The following ZNF599 variants were observed in gnomAD, a reference collection of about 807,000 sequenced individuals.
ZNF599 encodes the protein zinc finger protein 599.
Under a neutral mutation model 11.7 loss-of-function variants are expected in ZNF599, and 10 were observed. That is an observed-to-expected ratio of 0.86 (90% CI 0.53 to 1.45). The LOEUF (loss-of-function observed/expected upper bound fraction) is 1.45. Among genes scored for constraint, ZNF599 ranks in the 40% most tolerant of loss-of-function variants. The probability of loss-of-function intolerance (pLI) is 0.00; values close to 1 mark genes in which losing one functional copy is unlikely to be tolerated. For missense variants in ZNF599, 688 were observed against 713.6 expected, an observed-to-expected ratio of 0.96 and a Z score of 0.41; for synonymous variants, 232 against 253.2, an observed-to-expected ratio of 0.92 and a Z score of 0.79.
At chr19:34,800,166 C>A in the ZNF599 span, among the ~76,000 whole-genome samples, 10 of 152,134 alleles carry the variant, frequency 6.6e-5, no homozygotes, top group African/African-American at 2.4e-4. Context: ...TTGTTCACCT[C>A]ACATATTTTG....
At chr19:34,801,888 A>G in the ZNF599 span, among the ~76,000 whole-genome samples, 1 of 152,228 alleles carries the variant, frequency 6.6e-6, no homozygotes, top group Non-Finnish European at 1.5e-5. Context: ...ATCATTTTCC[A>G]CATGCCCCTA....
the ZNF599 span, among the ~76,000 whole-genome samples, chr19:34,802,438 G>T: frequency 1.3e-5 from 2 of 152,162 alleles, no homozygotes; most frequent in African/African-American, 4.8e-5. Context: ...CCAGGCCCAA[G>T]AAAATCCAAT....
intron 3 of ZNF599, chr19:34,764,835 T>A (rs185103319): frequency 6.6e-6 from 1 of 152,296 alleles, no homozygotes; most frequent in Non-Finnish European, 1.5e-5. Flanking sequence ...CTTGTACATA[T>A]ATAAAACTTT....
chr19:34,768,334 C>T (rs1403033220), intron 2 of ZNF599, among the ~76,000 whole-genome samples: 6 of 152,238 alleles, frequency 3.9e-5, no homozygotes, highest in Non-Finnish European at 8.8e-5. Flanking sequence ...CATACATCTC[C>T]TTTCGACAAC....
intron 1 of ZNF599, chr19:34,772,233 G>T: frequency 2.5e-6 from 2 of 810,686 alleles, no homozygotes; most frequent in Non-Finnish European, 3.0e-6. Flanking sequence ...CTGTTAGGCG[G>T]CAAGCCAGAT....
the ZNF599 span, among the ~76,000 whole-genome samples, chr19:34,803,966 T>C: frequency 6.6e-6 from 1 of 152,178 alleles, no homozygotes; most frequent in African/African-American, 2.4e-5. Flanking sequence ...CACATGCTAC[T>C]CACCACATGG....
At position 34,769,409 on chromosome 19, in the gene ZNF599, G is replaced by C; in HGVS notation, c.145+20C>G. 1 of 1,614,016 alleles carries C rather than the reference G, an allele frequency of 6.2e-7. No individual in the cohort carries two copies. Among genetic ancestry groups the C allele is most frequent in the South Asian group, 1.1e-5 (1 of 91,074 alleles). On this transcript the variant is annotated intron_variant, in intron 2 of 3. Transcript: ENST00000329285. ...AAAGAGGCTGTGGGTCCCCTACATG[G>C]GAGGGTAATGAGGTCTTACCCAGTG...
the ZNF599 span, among the ~76,000 whole-genome samples, chr19:34,806,175 A>T: frequency 6.6e-6 from 1 of 152,182 alleles, no homozygotes; most frequent in Non-Finnish European, 1.5e-5. Context: ...CTTGAGAAGC[A>T]GGCAACTATG....
the ZNF599 span, among the ~76,000 whole-genome samples, chr19:34,780,894 T>C: frequency 0.13 from 19,921 of 152,052 alleles, 1,376 homozygotes; most frequent in Middle Eastern, 0.21. Context: ...CGGTGGTTCA[T>C]GCCTGTAATC....
chr19:34,777,448 AATTAATATATAATATAT>A (rs2069225544), upstream of ZNF599, among the ~76,000 whole-genome samples: 1 of 96,656 alleles, frequency 1.0e-5, no homozygotes, highest in African/African-American at 4.3e-5. Context: ...GATATATATT[AATTAATATATAATATAT>A]TATATATTAA....
At position 34,759,817 on chromosome 19, in the gene ZNF599, T is replaced by G; in HGVS notation, c.984A>C (p.Gln328His). 1 of 1,614,202 alleles carries G rather than the reference T, an allele frequency of 6.2e-7. No homozygotes were observed. The highest frequency in any genetic ancestry group is 1.6e-4 in the Middle Eastern group (1 of 6,062). ...TCTTTCCAGTATGAATCCTCATATGTTGAGCAAATGAGGAGCTGTAGTAAA... is the reference window on the plus strand; with the variant it reads ...TCTTTCCAGTATGAATCCTCATATGGTGAGCAAATGAGGAGCTGTAGTAAA... ...KAFYYSSSFAQHMRIHTGKKL... is the reference protein window; with the variant it reads ...KAFYYSSSFAHHMRIHTGKKL... Residue 328 changes from glutamine (Q) to histidine (H), a missense_variant, in exon 4 of 4, where the codon CAA becomes CAC. Physicochemically the swap from Gln to His is conservative, Grantham distance 24. Transcript: ENST00000329285.
chr19:34,758,242 T>A lies in ZNF599; in HGVS notation c.*792A>T, dbSNP rs1469980423. On this transcript the variant is annotated 3_prime_UTR_variant, in exon 4 of 4. Coordinates refer to ENST00000329285, the MANE Select transcript of ZNF599 (RefSeq NM_001007248.3). ...GGCTCACAGAAGCTAACGCTGTATTTCCCCTAGCAACAATCATTCAGCATT... is the reference window on the plus strand; with the variant it reads ...GGCTCACAGAAGCTAACGCTGTATTACCCCTAGCAACAATCATTCAGCATT... 2 of 152,202 alleles carry A rather than the reference T, an allele frequency of 1.3e-5. No individual in the cohort carries two copies. Among genetic ancestry groups the A allele is most frequent in the Non-Finnish European group, 2.9e-5 (2 of 68,044 alleles). 9.4% of individuals were successfully genotyped at this position (152,202 alleles called of 1,614,324 possible).
At chr19:34,805,644 C>T in the ZNF599 span, among the ~76,000 whole-genome samples, 1 of 152,208 alleles carries the variant, frequency 6.6e-6, no homozygotes, top group Non-Finnish European at 1.5e-5. Context: ...CATGATCTTC[C>T]TGCCTCCTCC....
At chr19:34,777,760 G>T (rs961912144), upstream of ZNF599, among the ~76,000 whole-genome samples, 15 of 150,860 alleles carry the variant, frequency 9.9e-5, no homozygotes, top group African/African-American at 3.2e-4. Flanking sequence ...CTTATATGAG[G>T]TATCAAAAAA....
rs1411162198 is a variant in ZNF599 at position 34,773,046 on chromosome 19, C to T, written c.-205G>A. The T allele has an allele frequency of 1.8e-6, 1 of 570,828 alleles. No homozygotes were observed. The highest frequency in any genetic ancestry group is 2.4e-5 in the South Asian group (1 of 41,348). 35.4% of individuals were successfully genotyped at this position (570,828 alleles called of 1,614,324 possible). A position where few individuals can be genotyped will look rare whatever the true frequency, so the allele number is the denominator to read the frequency against. ...GGCCCCAGGAAGGGTTTTGCAGACG[C>T]TTGTGGGGGTGGGATCGCGGCTGAC... On this transcript the variant is annotated 5_prime_UTR_variant, in exon 1 of 4. Transcript: ENST00000329285.
chr19:34,802,716 T>C, the ZNF599 span, among the ~76,000 whole-genome samples: 1 of 152,146 alleles, frequency 6.6e-6, no homozygotes, highest in Non-Finnish European at 1.5e-5. Context: ...GGAACAGGAC[T>C]GGTTCATGGT....
At chr19:34,765,233 CCT>C (rs1422152673) in intron 3 of ZNF599, 4 of 248,950 alleles carry the variant, frequency 1.6e-5, no homozygotes, top group South Asian at 1.4e-4. Context: ...TTGTAGTTCC[CCT>C]GTTAAAATGT....
the ZNF599 span, among the ~76,000 whole-genome samples, chr19:34,796,202 G>A: frequency 6.7e-6 from 1 of 148,616 alleles, no homozygotes; most frequent in African/African-American, 2.5e-5. Context: ...TTGTGCCTGA[G>A]GGGACTCATA....
At chr19:34,793,469 T>C in the ZNF599 span, among the ~76,000 whole-genome samples, 2 of 152,330 alleles carry the variant, frequency 1.3e-5, no homozygotes, top group South Asian at 2.1e-4. Context: ...TTTACTTGAA[T>C]TGGTTTCTTC....
Sources: allele counts gnomAD v4.1 joint callset (sites outside exome capture counted in the v4.1 genomes callset), GRCh38; gene constraint gnomAD v4.1.1; transcripts MANE v1.5; gene names NCBI Gene and HGNC (gene_info 2026-07-23, HGNC 2026-07-21).